Variants in AIG1 observed in about 807,000 individuals in gnomAD.
AIG1 encodes the protein androgen-induced gene 1 protein.
Under a neutral mutation model 31.4 loss-of-function variants are expected in AIG1, and 23 were observed. That is an observed-to-expected ratio of 0.73 (90% CI 0.53 to 1.04). The LOEUF (loss-of-function observed/expected upper bound fraction) is 1.04. Ranked by LOEUF, AIG1 falls within the 50% of genes least tolerant of loss-of-function variation. The pLI is 0.00. For synonymous variants in AIG1, 100 were observed against 110.5 expected (o/e 0.90, Z 0.60); for missense variants, 274 against 295.0 (o/e 0.93, Z 0.52).
At chr6:143,316,233 A>C (rs1434243303) in intron 4 of AIG1, among the ~76,000 whole-genome samples, 1 of 152,090 alleles carries the variant, frequency 6.6e-6, no homozygotes, top group African/African-American at 2.4e-5. Flanking sequence ...CTGCATTTAA[A>C]AGGATAAAAT....
Position 143,114,870 on chromosome 6 carries a change from A to G in AIG1, c.142-21965A>G, listed in dbSNP as rs566808235. 4.6e-5 allele frequency among the ~76,000 whole-genome samples: 7 copies of G among 152,348 alleles called. No homozygotes were observed. In the South Asian group the frequency reaches 1.5e-3, roughly 32 times the overall value. On this transcript the variant is annotated intron_variant, in intron 1 of 5. Coordinates refer to ENST00000357847, the MANE Select transcript of AIG1 (RefSeq NM_016108.4). ...CTACTTCTTCATTTGTGAGATAGAG[A>G]TAGCTGGAGTCCTGGCTCGTGGAGT... is the stretch of plus-strand genomic sequence containing the variant.
intron 2 of AIG1, among the ~76,000 whole-genome samples, chr6:143,147,269 T>C (rs1211130264): frequency 6.6e-6 from 1 of 152,152 alleles, no homozygotes; most frequent in Admixed American, 6.5e-5. Context: ...TTTTGTGCTT[T>C]TCTGGATTCT....
At chr6:143,178,670 T>G (rs1788422829) in intron 3 of AIG1, among the ~76,000 whole-genome samples, 1 of 152,246 alleles carries the variant, frequency 6.6e-6, no homozygotes, top group South Asian at 2.1e-4. Context: ...TTTGCTGAAT[T>G]CCAGTGTTCT....
chr6:143,247,701 G>A (rs575749079), intron 3 of AIG1, among the ~76,000 whole-genome samples: 2 of 152,304 alleles, frequency 1.3e-5, no homozygotes, highest in East Asian at 1.9e-4. Context: ...GCACAGAAAG[G>A]TTAAGAAACT....
At chr6:143,227,762 G>A (rs771165719) in intron 3 of AIG1, among the ~76,000 whole-genome samples, 1 of 152,188 alleles carries the variant, frequency 6.6e-6, no homozygotes, top group Non-Finnish European at 1.5e-5. Context: ...TGGGCTGGCA[G>A]CATCTACTAT....
chr6:143,273,484 C>G (rs1283313455), intron 3 of AIG1, among the ~76,000 whole-genome samples: 1 of 152,078 alleles, frequency 6.6e-6, no homozygotes, highest in East Asian at 1.9e-4. Context: ...TGCTGTGTCC[C>G]CCATTGCTCT....
intron 1 of AIG1, among the ~76,000 whole-genome samples, chr6:143,118,634 G>T (rs138856701): frequency 1.3e-5 from 2 of 152,164 alleles, no homozygotes; most frequent in Non-Finnish European, 2.9e-5. Context: ...CTTATGTGTA[G>T]AGAACTTTTC....
chr6:143,219,244 C>T (rs1460729372), intron 3 of AIG1, among the ~76,000 whole-genome samples: 2 of 152,136 alleles, frequency 1.3e-5, no homozygotes, highest in Non-Finnish European at 2.9e-5. Context: ...TGGACCCTAG[C>T]CCCAGGTTGC....
chr6:143,206,791 TA>T (rs1791145767), intron 3 of AIG1, among the ~76,000 whole-genome samples: 1 of 152,168 alleles, frequency 6.6e-6, no homozygotes, highest in Non-Finnish European at 1.5e-5. Context: ...ATGAGATCAT[TA>T]AGTTCAAGCA....
At chr6:143,187,716 C>T (rs1295754073) in intron 3 of AIG1, 1 of 1,535,992 alleles carries the variant, frequency 6.5e-7, no homozygotes. Flanking sequence ...AAGCTTGCTC[C>T]AGCAATGACT....
Position 143,293,777 on chromosome 6 carries a change from C to T in AIG1, c.515+9552C>T, listed in dbSNP as rs11753058. 0.28 allele frequency among the ~76,000 whole-genome samples: 41,854 copies of T among 151,854 alleles called. 7,393 individuals carry two copies. The highest frequency in any genetic ancestry group is 0.5 in the African/African-American group (20,610 of 41,354). On this transcript the variant is annotated intron_variant, in intron 4 of 5. Coordinates refer to ENST00000357847, the MANE Select transcript of AIG1 (RefSeq NM_016108.4). The surrounding 1 kb of genome is among the most constrained non-coding windows in gnomAD (Gnocchi z 4.8). The stretch of plus-strand genomic sequence containing the variant: ...TTTTATGTGGTTATGATCCTTCCCC[C>T]ACTCCCCAGCTTCCCTACAGCCATG...
rs2876551 is a variant in AIG1 at position 143,219,927 on chromosome 6, C to T, written c.399+54744C>T. Among the ~76,000 whole-genome samples, 27 of 152,072 alleles carry T rather than the reference C, an allele frequency of 1.8e-4. No homozygotes were observed. In the South Asian group the frequency reaches 2.5e-3, roughly 14 times the overall value. On this transcript the variant is annotated intron_variant, in intron 3 of 5. Coordinates refer to ENST00000357847, the MANE Select transcript of AIG1 (RefSeq NM_016108.4). ...ACACAACGGCATTGCTATGTCATGG[C>T]GTTTTCAGAATGTGAATAATGACCC...
chr6:143,078,955 C>T (rs3804528), intron 1 of AIG1, among the ~76,000 whole-genome samples: 9,367 of 152,218 alleles, frequency 0.062, 678 homozygotes, highest in East Asian at 0.37. Flanking sequence ...CTTTTATACT[C>T]TCCAGCTCTC....
intron 3 of AIG1, 138 bp from the exon 4 acceptor site, chr6:143,283,972 T>C (rs1313661143): frequency 1.1e-5 from 6 of 527,312 alleles, no homozygotes; most frequent in Non-Finnish European, 1.7e-5. Context: ...TCCATTCTAC[T>C]TCTTTGGCGA....
chr6:143,204,680 C>A (rs188709087), intron 3 of AIG1, among the ~76,000 whole-genome samples: 1 of 152,108 alleles, frequency 6.6e-6, no homozygotes, highest in Non-Finnish European at 1.5e-5. Context: ...TCTTTCATCA[C>A]CCATACAGAC....
chr6:143,077,000 T>G (rs1159185427), intron 1 of AIG1, among the ~76,000 whole-genome samples: 2 of 152,236 alleles, frequency 1.3e-5, no homozygotes, highest in African/African-American at 2.4e-5. Context: ...TAACTTTATC[T>G]GTCGGCTGTT....
intron 5 of AIG1, chr6:143,337,895 TC>T (rs1199951549): frequency 2.5e-6 from 1 of 398,536 alleles, no homozygotes; most frequent in Non-Finnish European, 4.4e-6. Flanking sequence ...ATAGGTTTCT[TC>T]CTGCCCTTTG....
chr6:143,169,517 T>C (rs981107101), intron 3 of AIG1, among the ~76,000 whole-genome samples: 12 of 152,172 alleles, frequency 7.9e-5, no homozygotes, highest in Admixed American at 7.9e-4. Context: ...ATATTCATTC[T>C]GTATTGCTAT....
intron 3 of AIG1, chr6:143,187,787 T>C (rs1042088619): frequency 1.8e-5 from 27 of 1,505,984 alleles, no homozygotes; most frequent in South Asian, 3.8e-5. Context: ...GGAAATGACC[T>C]TGAAGCGAAG....
Sources: allele counts gnomAD v4.1 joint callset (sites outside exome capture counted in the v4.1 genomes callset), GRCh38; gene constraint gnomAD v4.1.1; non-coding constraint Gnocchi (gnomAD v3.1); transcripts MANE v1.5; gene names NCBI Gene and HGNC (gene_info 2026-07-23, HGNC 2026-07-21).